Variants in NEDD4L observed in about 807,000 individuals in gnomAD.
NEDD4L encodes the protein E3 ubiquitin-protein ligase NEDD4-like.
In NEDD4L, 54 loss-of-function variants were observed where a neutral mutation model predicts 148.9. That is an observed-to-expected ratio of 0.36 (90% CI 0.29 to 0.45). The LOEUF is 0.45. Ranked by LOEUF, NEDD4L falls within the 20% of genes least tolerant of loss-of-function variation. The pLI is 1.00. For synonymous variants in NEDD4L, 433 were observed against 440.7 expected, an observed-to-expected ratio of 0.98 and a Z score of 0.22; for missense variants, 856 against 1,233.8, an observed-to-expected ratio of 0.69 and a Z score of 4.59.
intron 19 of NEDD4L, among the ~76,000 whole-genome samples, chr18:58,361,750 A>G (rs1237035372): frequency 6.6e-6 from 1 of 152,226 alleles, no homozygotes; most frequent in Non-Finnish European, 1.5e-5. Flanking sequence ...AGGAACACAG[A>G]TTTAATGCAG....
At chr18:58,148,163 C>CTTTTTTTTTTTTTTTTTTTT (rs58114617) in intron 1 of NEDD4L, among the ~76,000 whole-genome samples, 1 of 141,922 alleles carries the variant, frequency 7.0e-6, no homozygotes. Flanking sequence ...CCACACTGTT[C>CTTTTTTTTTTTTTTTTTTTT]TTTTTTTTTT....
At chr18:58,372,547 A>G (rs895240822) in intron 23 of NEDD4L, 1 of 152,182 alleles carries the variant, frequency 6.6e-6, no homozygotes, top group South Asian at 2.1e-4. Context: ...GGCTCAAGTG[A>G]TCCTCCCACC....
At chr18:58,118,280 G>A (rs2085989211) in intron 1 of NEDD4L, among the ~76,000 whole-genome samples, 2 of 152,402 alleles carry the variant, frequency 1.3e-5, no homozygotes, top group East Asian at 3.9e-4. Context: ...TGCTTGCGCA[G>A]TAAGCACTTG....
intron 25 of NEDD4L, among the ~76,000 whole-genome samples, chr18:58,384,971 C>T (rs538109835): frequency 2.6e-5 from 4 of 152,182 alleles, no homozygotes; most frequent in Non-Finnish European, 5.9e-5. Context: ...ACCATTCATC[C>T]TCTAAATTTT....
chr18:58,185,830 G>A (rs192489033), intron 2 of NEDD4L, among the ~76,000 whole-genome samples: 2 of 151,818 alleles, frequency 1.3e-5, no homozygotes, highest in East Asian at 3.9e-4. Context: ...CCAAGATCGC[G>A]CCATTGCACT....
At position 58,176,558 on chromosome 18, in the gene NEDD4L, C is replaced by T. The variant is rs554680826; in HGVS notation, c.122+10697C>T. Among the ~76,000 whole-genome samples, 7 of 152,276 alleles carry T rather than the reference C, an allele frequency of 4.6e-5. No individual in the cohort carries two copies. In the South Asian group the frequency reaches 1.5e-3, roughly 32 times the overall value. ...CTGTGTTGCCCAGGTGGGTCTCAAA[C>T]TCCTGACCTCAAGTGACCCTCCCGC... On this transcript the variant is annotated intron_variant, in intron 2 of 30. Transcript: ENST00000400345.
chr18:58,270,572 A>G (rs895065256), intron 5 of NEDD4L, among the ~76,000 whole-genome samples: 14 of 152,194 alleles, frequency 9.2e-5, no homozygotes, highest in African/African-American at 3.4e-4. Flanking sequence ...GCCACAGGTT[A>G]TTTTATGACC....
intron 19 of NEDD4L, among the ~76,000 whole-genome samples, chr18:58,358,485 T>C (rs1389340445): frequency 6.6e-6 from 1 of 152,212 alleles, no homozygotes; most frequent in Non-Finnish European, 1.5e-5. Context: ...AGAAGACTTT[T>C]GACATAACTT....
chr18:58,198,312 G>A (rs2040972395), intron 2 of NEDD4L, among the ~76,000 whole-genome samples: 1 of 152,178 alleles, frequency 6.6e-6, no homozygotes, highest in Admixed American at 6.5e-5. Context: ...CTTGAGAACT[G>A]GGGATTATTG....
intron 1 of NEDD4L, chr18:58,045,874 CCTTT>C (rs1016048022): frequency 1.3e-5 from 2 of 152,270 alleles, no homozygotes; most frequent in African/African-American, 4.8e-5. Context: ...TCCCCTCCCT[CCTTT>C]CTTTTCAGAG....
In NEDD4L at chr18:58,342,782, C is replaced by T. The variant is rs1162217613; in HGVS notation, c.1378-124C>T. On this transcript the variant is annotated intron_variant, in intron 15 of 30. Coordinates refer to ENST00000400345, the MANE Select transcript of NEDD4L (RefSeq NM_001144967.3). ...TTAAAAGTAAATGAATGACAGAAAA[C>T]AGGTTTTGGGGATCTTCCCTCTTGT... 1.8e-5 allele frequency: 12 copies of T among 659,514 alleles called. No homozygotes were observed. In the Admixed American group the frequency reaches 4.0e-4, roughly 22 times the overall value. 40.9% of individuals were successfully genotyped at this position (659,514 alleles called of 1,614,324 possible). A position where few individuals can be genotyped will look rare whatever the true frequency, so the allele number is the denominator to read the frequency against.
chr18:58,375,156 G>T (rs968213488), intron 24 of NEDD4L, among the ~76,000 whole-genome samples: 1 of 151,586 alleles, frequency 6.6e-6, no homozygotes, highest in African/African-American at 2.4e-5. Flanking sequence ...CCATCTCCCC[G>T]TGCCCAGGCT....
At chr18:58,371,038 T>A (rs535855326) in intron 23 of NEDD4L, among the ~76,000 whole-genome samples, 23 of 152,010 alleles carry the variant, frequency 1.5e-4, no homozygotes, top group African/African-American at 4.6e-4. Flanking sequence ...GATTTTATTT[T>A]TTTTTTATTT....
At chr18:58,205,457 A>G (rs1011700684) in intron 2 of NEDD4L, among the ~76,000 whole-genome samples, 1 of 152,150 alleles carries the variant, frequency 6.6e-6, no homozygotes, top group Non-Finnish European at 1.5e-5. Flanking sequence ...TTTTATAATC[A>G]TAAGTAGCTT....
chr18:58,312,317 A>G (rs980366837), intron 5 of NEDD4L, among the ~76,000 whole-genome samples: 5 of 152,242 alleles, frequency 3.3e-5, no homozygotes, highest in Non-Finnish European at 7.3e-5. Context: ...AGAAATACCA[A>G]TGTTCACCGA....
intron 2 of NEDD4L, chr18:58,195,297 C>T: frequency 1.7e-6 from 1 of 587,904 alleles, no homozygotes; most frequent in Non-Finnish European, 2.5e-6. Flanking sequence ...GCAAGGGCAG[C>T]ATTGTGGGGC....
intron 2 of NEDD4L, among the ~76,000 whole-genome samples, chr18:58,184,336 C>A (rs1183931164): frequency 1.4e-5 from 2 of 145,838 alleles, no homozygotes; most frequent in African/African-American, 5.1e-5. Context: ...TGGTTTCCAC[C>A]AGCAGCCTGC....
chr18:58,172,275 G>A (rs1328734249), intron 2 of NEDD4L, among the ~76,000 whole-genome samples: 3 of 152,194 alleles, frequency 2.0e-5, no homozygotes, highest in Non-Finnish European at 2.9e-5. Context: ...ACAGCAGCAG[G>A]AACCTCAGGC....
At chr18:58,293,662 T>C (rs1263692589) in intron 5 of NEDD4L, among the ~76,000 whole-genome samples, 1 of 152,254 alleles carries the variant, frequency 6.6e-6, no homozygotes, top group Non-Finnish European at 1.5e-5. Context: ...CTTTGACTCA[T>C]ATGTTTTCTG....
Sources: gnomAD v4.1 joint callset for allele counts (sites outside exome capture counted in the v4.1 genomes callset) on GRCh38, gnomAD v4.1.1 for gene constraint, MANE v1.5 for transcripts, NCBI Gene and HGNC (gene_info 2026-07-23, HGNC 2026-07-21) for gene names.